GPHN: variants seen among roughly 807,000 people sequenced by gnomAD.
The protein encoded by GPHN is gephyrin.
GPHN carries 17 observed loss-of-function variants against 95.5 expected under a neutral mutation model. The ratio of observed to expected loss-of-function variants is 0.18; its 90% CI spans 0.12 to 0.27. The LOEUF is 0.27. Among genes scored for constraint, GPHN ranks in the 10% least tolerant of loss-of-function variants. The pLI, the probability that GPHN is intolerant of heterozygous loss-of-function variation, is 1.00. For synonymous variants in GPHN, 320 were observed against 322.5 expected, an observed-to-expected ratio of 0.99 and a Z score of 0.08; for missense variants, 660 against 978.1, an observed-to-expected ratio of 0.67 and a Z score of 4.34.
chr14:67,735,064 G>C, the GPHN span: 1 of 696,112 alleles, frequency 1.4e-6, no homozygotes, highest in South Asian at 1.5e-5. Flanking sequence ...ACAACCAACA[G>C]CAAATGACAC....
chr14:66,828,481 A>G (rs543199628), intron 4 of GPHN, among the ~76,000 whole-genome samples: 145 of 152,274 alleles, frequency 9.5e-4, no homozygotes, highest in Middle Eastern at 6.8e-3. Flanking sequence ...AGGATTGCCA[A>G]TATTTTTAAA....
chr14:66,852,385 G>T (rs1239339940), intron 4 of GPHN, among the ~76,000 whole-genome samples: 2 of 152,230 alleles, frequency 1.3e-5, no homozygotes, highest in African/African-American at 4.8e-5. Context: ...AAAAATGTGT[G>T]TGTGTGCGTG....
intron 4 of GPHN, among the ~76,000 whole-genome samples, chr14:66,855,519 C>G (rs2062763998): frequency 1.3e-5 from 2 of 152,210 alleles, no homozygotes; most frequent in South Asian, 4.1e-4. Flanking sequence ...ATTCATTTAT[C>G]CGTTCATCTT....
At chr14:66,793,749 G>A (rs566750363) in intron 3 of GPHN, among the ~76,000 whole-genome samples, 17 of 152,078 alleles carry the variant, frequency 1.1e-4, no homozygotes, top group Admixed American at 3.9e-4. Flanking sequence ...GATATTCATC[G>A]TAAAACCCTA....
chr14:66,549,432 A>G (rs567702071), intron 1 of GPHN, among the ~76,000 whole-genome samples: 2 of 152,304 alleles, frequency 1.3e-5, no homozygotes, highest in African/African-American at 4.8e-5. Flanking sequence ...CAAGGTTCTA[A>G]CTCTTCTCAA....
the GPHN span, among the ~76,000 whole-genome samples, chr14:67,421,175 T>C: frequency 6.6e-6 from 1 of 152,166 alleles, no homozygotes; most frequent in African/African-American, 2.4e-5. Context: ...CAGTAGAGAA[T>C]GAAAACAGGC....
the GPHN span, among the ~76,000 whole-genome samples, chr14:67,686,785 A>G: frequency 2.6e-4 from 39 of 152,168 alleles, no homozygotes; most frequent in Non-Finnish European, 4.9e-4. Context: ...GAAAGGTAAT[A>G]TGAAATGTAT....
the GPHN span, among the ~76,000 whole-genome samples, chr14:67,306,599 C>T: frequency 5.9e-5 from 9 of 151,738 alleles, no homozygotes; most frequent in African/African-American, 2.2e-4. Flanking sequence ...GAACTCCTGA[C>T]CTCTGATGAT....
rs113570921 is a variant in GPHN at position 66,594,649 on chromosome 14, C to CAT, written c.64+86068_64+86069dup. Among the ~76,000 whole-genome samples, 558 of 152,206 alleles carry CAT rather than the reference C, an allele frequency of 3.7e-3. 11 individuals are homozygous for CAT. Among genetic ancestry groups the CAT allele is most frequent in the African/African-American group, 0.013 (528 of 41,530 alleles). On this transcript the variant is annotated intron_variant, in intron 1 of 22. Transcript: ENST00000478722. The stretch of plus-strand genomic sequence containing the variant: ...ATAATATTAGACTCCCATCTCACAT[C>CAT]ATATATATATAAATCATCTCAAAAT...
Position 66,745,872 on chromosome 14 carries a change from C to T in GPHN, c.144-30592C>T, listed in dbSNP as rs527612363. Among the ~76,000 whole-genome samples the T allele has an allele frequency of 2.0e-5, 3 of 152,100 alleles. No homozygotes were observed. In the East Asian group the frequency reaches 5.8e-4, roughly 29 times the overall value. On this transcript the variant is annotated intron_variant, in intron 2 of 22. Transcript: ENST00000478722. ...CTTTCTTAATAGTCACATCATCACT[C>T]TACCCTGCCTATCACAGATCTGTTT...
intron 1 of GPHN, among the ~76,000 whole-genome samples, chr14:66,577,573 T>C (rs1026235968): frequency 6.6e-6 from 1 of 152,110 alleles, no homozygotes; most frequent in Non-Finnish European, 1.5e-5. Flanking sequence ...TCAACCAAAG[T>C]CTCAGTGATA....
At chr14:67,471,475 T>A in the GPHN span, 1 of 152,002 alleles carries the variant, frequency 6.6e-6, no homozygotes, top group African/African-American at 2.4e-5. Flanking sequence ...CCTCCTGGAA[T>A]TTTCTCCACC....
chr14:66,717,129 G>A (rs144513857), intron 2 of GPHN, among the ~76,000 whole-genome samples: 111 of 152,254 alleles, frequency 7.3e-4, no homozygotes, highest in African/African-American at 2.6e-3. Context: ...CAGGAACACC[G>A]ATTATTCTTA....
intron 2 of GPHN, among the ~76,000 whole-genome samples, chr14:66,760,081 G>A (rs34639836): frequency 0.16 from 23,659 of 152,006 alleles, 2,230 homozygotes; most frequent in Non-Finnish European, 0.22. Context: ...TTTCTTTACA[G>A]CACTTACAAT....
the GPHN span, among the ~76,000 whole-genome samples, chr14:67,637,270 C>T: frequency 1.3e-5 from 2 of 151,826 alleles, no homozygotes; most frequent in African/African-American, 4.8e-5. Flanking sequence ...ATTAGCTGGG[C>T]ATGGTGGTGC....
intron 4 of GPHN, 45 bp from the exon 5 acceptor site, chr14:66,879,894 T>A: frequency 8.2e-7 from 1 of 1,223,040 alleles, no homozygotes; most frequent in Non-Finnish European, 1.2e-6. Context: ...CTTCATTCTT[T>A]TTTGGCTTAT....
the GPHN span, among the ~76,000 whole-genome samples, chr14:67,476,033 A>T: frequency 6.6e-6 from 1 of 152,216 alleles, no homozygotes; most frequent in Non-Finnish European, 1.5e-5. Context: ...CTGCATCAAG[A>T]ATGGGAAGGT....
At chr14:67,156,551 T>C (rs545088833) in intron 18 of GPHN, among the ~76,000 whole-genome samples, 1 of 151,962 alleles carries the variant, frequency 6.6e-6, no homozygotes, top group African/African-American at 2.4e-5. Context: ...AACAAGCTAA[T>C]AGAGGGGAAA....
chr14:66,953,957 C>T (rs534568402), intron 8 of GPHN, among the ~76,000 whole-genome samples: 3 of 151,578 alleles, frequency 2.0e-5, no homozygotes, highest in South Asian at 2.1e-4. Context: ...ATCACTTGAA[C>T]CCAGGAGGCG....
Sources: gnomAD v4.1 joint callset for allele counts (sites outside exome capture counted in the v4.1 genomes callset) on GRCh38, gnomAD v4.1.1 for gene constraint, MANE v1.5 for transcripts, NCBI Gene and HGNC (gene_info 2026-07-23, HGNC 2026-07-21) for gene names.